IGF2R: variants seen among roughly 807,000 people sequenced by gnomAD.
The protein encoded by IGF2R is cation-independent mannose-6-phosphate receptor.
Under a neutral mutation model 270.6 loss-of-function variants are expected in IGF2R, and 91 were observed. The observed-to-expected ratio is 0.34, with a 90% confidence interval of 0.28 to 0.40. IGF2R has a LOEUF of 0.40. Ranked by LOEUF, IGF2R falls within the 10% of genes least tolerant of loss-of-function variation. The pLI is 1.00. For synonymous variants in IGF2R, 1,316 were observed against 1,258.9 expected (o/e 1.05, Z -0.96); for missense variants, 2,805 against 3,188.3 (o/e 0.88, Z 2.90).
chr6:160,093,722 G>T, intron 44 of IGF2R: 1 of 758,454 alleles, frequency 1.3e-6, no homozygotes. Context: ...GAATGGACCT[G>T]AACCACTCAA....
intron 23 of IGF2R, 53 bp downstream of exon 23, chr6:160,060,770 G>A (rs1331544407): frequency 7.7e-6 from 12 of 1,563,552 alleles, no homozygotes; most frequent in South Asian, 1.1e-5. Context: ...CAGTGTGTGT[G>A]TGAGTGGATA....
Position 160,059,027 on chromosome 6 carries a change from T to C in IGF2R, c.3020T>C (p.Ile1007Thr). 2 of 1,614,226 alleles carry C rather than the reference T, an allele frequency of 1.2e-6. No individual in the cohort carries two copies. Among genetic ancestry groups the C allele is most frequent in the Non-Finnish European group, 1.7e-6 (2 of 1,180,032 alleles). ...TGGAAGCCAGCAAGGCCAGTCGGAA[T>C]TGAGAAAAGCCTCCAGCTGTCCACA... ...KNWKPARPVG[I>T]EKSLQLSTEG... is the part of the protein sequence containing the mutation. The change falls in exon 22 of 48, where the codon ATT (isoleucine) becomes ACT (threonine). Residue 1007 changes from isoleucine (I) to threonine (T), a missense_variant. Physicochemically the swap from Ile to Thr is moderately conservative, Grantham distance 89. Transcript: ENST00000356956.
At chr6:160,012,779 G>GTATATATATATATATATATATATA (rs1784358750) in intron 4 of IGF2R, among the ~76,000 whole-genome samples, 1 of 115,056 alleles carries the variant, frequency 8.7e-6, no homozygotes, top group Non-Finnish European at 1.8e-5. Flanking sequence ...TTTTTTTTTT[G>GTATATATATATATATATATATATA]TTTGTTTGTT....
chr6:160,020,469 A>C (rs560116916), intron 4 of IGF2R, among the ~76,000 whole-genome samples: 167 of 152,304 alleles, frequency 1.1e-3, no homozygotes, highest in African/African-American at 3.9e-3. Flanking sequence ...GTGGTCCCCC[A>C]AAAAATCTTA....
chr6:160,097,341 A>AT (rs1779385629), intron 45 of IGF2R, among the ~76,000 whole-genome samples: 1 of 151,638 alleles, frequency 6.6e-6, no homozygotes, highest in Non-Finnish European at 1.5e-5. Flanking sequence ...TTTATTTTTT[A>AT]TTTTTTTGGG....
At chr6:159,980,073 C>T (rs182688736) in intron 1 of IGF2R, among the ~76,000 whole-genome samples, 1,930 of 151,898 alleles carry the variant, frequency 0.013, 24 homozygotes, top group Middle Eastern at 0.024. Context: ...CCCAGCTACT[C>T]GGGAGGCTGT....
chr6:159,987,194 A>G (rs990845951), intron 1 of IGF2R, among the ~76,000 whole-genome samples: 4 of 152,200 alleles, frequency 2.6e-5, no homozygotes, highest in African/African-American at 9.7e-5. Context: ...GTTGTCAGTT[A>G]TTTATACGAT....
At chr6:160,080,099 C>T (rs1410418274) in intron 38 of IGF2R, 30 bp from the exon 39 acceptor site, 1 of 1,610,906 alleles carries the variant, frequency 6.2e-7, no homozygotes, top group Non-Finnish European at 8.5e-7. Context: ...GGCACAGCTG[C>T]CACACTGATA....
At chr6:160,038,106 C>T (rs1361934324) in intron 10 of IGF2R, among the ~76,000 whole-genome samples, 1 of 152,116 alleles carries the variant, frequency 6.6e-6, no homozygotes, top group Non-Finnish European at 1.5e-5. Flanking sequence ...TCCTTGGTTC[C>T]ATTTGAAAAC....
In IGF2R at chr6:160,108,524, A is replaced by G. The variant is rs1779674746; in HGVS notation, c.*3440A>G. ...TCAGCAACCAGATGGGAGGTTGGGC[A>G]TGGGAGCTGTGGCTGTGCTGAGCTG... is the stretch of plus-strand genomic sequence containing the variant. On this transcript the variant is annotated 3_prime_UTR_variant, in exon 48 of 48. Transcript: ENST00000356956. 6.6e-6 allele frequency: 1 copy of G among 152,354 alleles called. No homozygotes were observed. Among genetic ancestry groups the G allele is most frequent in the Admixed American group, 6.5e-5 (1 of 15,284 alleles). 9.4% of individuals were successfully genotyped at this position (152,354 alleles called of 1,614,324 possible).
chr6:160,031,726 G>A (rs1281741281), intron 7 of IGF2R, among the ~76,000 whole-genome samples: 2 of 152,144 alleles, frequency 1.3e-5, no homozygotes, highest in African/African-American at 4.8e-5. Flanking sequence ...AATTGTGTGC[G>A]ACCTGTTTGT....
At chr6:160,087,703 C>T (rs1326986275) in intron 41 of IGF2R, among the ~76,000 whole-genome samples, 5 of 152,140 alleles carry the variant, frequency 3.3e-5, no homozygotes, top group African/African-American at 4.8e-5. Flanking sequence ...GAGTTTTGCT[C>T]TTGTTGCCCA....
At chr6:160,097,392 G>A (rs1196495366) in intron 45 of IGF2R, among the ~76,000 whole-genome samples, 1 of 152,170 alleles carries the variant, frequency 6.6e-6, no homozygotes, top group Non-Finnish European at 1.5e-5. Flanking sequence ...GTGCAGTGGT[G>A]CGGTCTTGGC....
At chr6:160,043,478 G>GC (rs575383305) in intron 12 of IGF2R, among the ~76,000 whole-genome samples, 190 bp downstream of exon 12, 353 of 152,352 alleles carry the variant, frequency 2.3e-3, no homozygotes, top group African/African-American at 8.3e-3. Context: ...CCTGAAGTTG[G>GC]CTAGAGCTCC....
Position 159,983,523 on chromosome 6 carries a change from G to A in IGF2R, c.150-7661G>A, listed in dbSNP as rs141453121. On this transcript the variant is annotated intron_variant, in intron 1 of 47. Transcript: ENST00000356956. ...TTTCTTTATGGGAAAGATTCCGACTGTGTGCTTGGTTTATATGGTTAAATT... is the reference window on the plus strand; with the variant it reads ...TTTCTTTATGGGAAAGATTCCGACTATGTGCTTGGTTTATATGGTTAAATT... Among the ~76,000 whole-genome samples the A allele has an allele frequency of 5.9e-5, 9 of 152,262 alleles. No individual in the cohort carries two copies. In the East Asian group the frequency reaches 1.7e-3, roughly 29 times the overall value.
chr6:160,043,126 A>C (rs758422500), intron 11 of IGF2R, 22 bp from the exon 12 acceptor site: 16 of 1,612,912 alleles, frequency 9.9e-6, no homozygotes. Flanking sequence ...TTTGGCTAAA[A>C]TACACTTTTG....
intron 25 of IGF2R, among the ~76,000 whole-genome samples, chr6:160,062,168 ATTTTTTTT>A (rs34356477): frequency 1.9e-5 from 2 of 106,620 alleles, no homozygotes; most frequent in Non-Finnish European, 3.7e-5. Context: ...CATTTATTTA[ATTTTTTTT>A]TTTTTTTTTT....
intron 44 of IGF2R, 32 bp from the exon 45 acceptor site, chr6:160,096,407 G>A: frequency 6.3e-7 from 1 of 1,586,212 alleles, no homozygotes; most frequent in African/African-American, 1.3e-5. Flanking sequence ...AAATGATGGT[G>A]ACATGCCATG....
At chr6:160,083,115 G>A (rs1779021791) in intron 39 of IGF2R, among the ~76,000 whole-genome samples, 1 of 152,062 alleles carries the variant, frequency 6.6e-6, no homozygotes, top group Non-Finnish European at 1.5e-5. Context: ...CATTATTTTA[G>A]CAAAAAAGGA....
Sources: gnomAD v4.1 joint callset for allele counts (sites outside exome capture counted in the v4.1 genomes callset) on GRCh38, gnomAD v4.1.1 for gene constraint, MANE v1.5 for transcripts, NCBI Gene and HGNC (gene_info 2026-07-23, HGNC 2026-07-21) for gene names.